The following NDUFAF6 variants were observed in gnomAD, a reference collection of about 807,000 sequenced individuals.
The protein encoded by NDUFAF6 is NADH:ubiquinone oxidoreductase complex assembly factor 6.
Under a neutral mutation model 40.8 loss-of-function variants are expected in NDUFAF6, and 45 were observed. That is an observed-to-expected ratio of 1.10 (90% CI 0.87 to 1.42). The LOEUF is 1.42. Ranked by LOEUF, NDUFAF6 falls within the 40% of genes most tolerant of loss-of-function variation. The probability of loss-of-function intolerance (pLI) is 0.00; values close to 1 mark genes in which losing one functional copy is unlikely to be tolerated. For synonymous variants in NDUFAF6, 185 were observed against 155.9 expected (o/e 1.19, Z -1.39); for missense variants, 435 against 418.5 (o/e 1.04, Z -0.34).
chr8:95,027,258 G>C (rs1326361162), intron 1 of NDUFAF6, among the ~76,000 whole-genome samples: 1 of 151,956 alleles, frequency 6.6e-6, no homozygotes, highest in East Asian at 1.9e-4. Flanking sequence ...ATTAATCCCA[G>C]CTCTATCACT....
At chr8:94,980,694 G>C (rs1054065643) in intron 1 of NDUFAF6, among the ~76,000 whole-genome samples, 15 of 73,414 alleles carry the variant, frequency 2.0e-4, no homozygotes, top group African/African-American at 8.0e-4. Context: ...CAGGTGATCA[G>C]CATGCCTTGG....
intron 2 of NDUFAF6, among the ~76,000 whole-genome samples, chr8:95,009,538 G>C (rs1304651535): frequency 6.6e-6 from 1 of 152,168 alleles, no homozygotes; most frequent in Non-Finnish European, 1.5e-5. Flanking sequence ...GAGAGAGGGT[G>C]GATGTCACTG....
chr8:94,927,199 CAGA>C (rs1819969807), intron 1 of NDUFAF6: 1 of 152,468 alleles, frequency 6.6e-6, no homozygotes, highest in East Asian at 1.9e-4. Flanking sequence ...GTTTCCAACT[CAGA>C]GAAAATGAGA....
At chr8:95,000,038 G>C (rs1314851669) in intron 2 of NDUFAF6, among the ~76,000 whole-genome samples, 1 of 126,752 alleles carries the variant, frequency 7.9e-6, no homozygotes, top group Admixed American at 8.8e-5. Flanking sequence ...AGTGAGACAG[G>C]CTGTATTTTT....
At chr8:95,117,304 T>G (rs935178297), downstream of NDUFAF6, among the ~76,000 whole-genome samples, 14 of 152,004 alleles carry the variant, frequency 9.2e-5, no homozygotes, top group Non-Finnish European at 1.6e-4. Flanking sequence ...AACTGTGAGG[T>G]CCCTGGAAAG....
chr8:94,991,059 A>G (rs1354703080), intron 2 of NDUFAF6, among the ~76,000 whole-genome samples: 1 of 152,206 alleles, frequency 6.6e-6, no homozygotes, highest in African/African-American at 2.4e-5. Context: ...AAACTTCAAA[A>G]ACATCTGTGA....
At chr8:95,019,894 T>A (rs1419241117) in intron 2 of NDUFAF6, among the ~76,000 whole-genome samples, 2 of 152,216 alleles carry the variant, frequency 1.3e-5, no homozygotes, top group African/African-American at 4.8e-5. Context: ...AATTCTATAT[T>A]TTTTAAAAAA....
At chr8:95,046,406 T>G (rs962836109) in intron 5 of NDUFAF6, among the ~76,000 whole-genome samples, 3 of 152,272 alleles carry the variant, frequency 2.0e-5, no homozygotes, top group African/African-American at 4.8e-5. Flanking sequence ...AAAACAAAAT[T>G]TTGATGGTAG....
At chr8:95,107,686 G>A (rs1561715), downstream of NDUFAF6, among the ~76,000 whole-genome samples, 126,858 of 152,204 alleles carry the variant, frequency 0.83, 53,295 homozygotes, top group East Asian at 1. Context: ...TTGTATCTGA[G>A]TAAAGCTATT....
In NDUFAF6 at chr8:94,974,304, C is replaced by T. The variant is rs548484711; in HGVS notation, c.-198-6555C>T. Among the ~76,000 whole-genome samples the T allele has an allele frequency of 3.3e-5, 5 of 151,302 alleles. No individual in the cohort carries two copies. In the South Asian group the frequency reaches 8.4e-4, roughly 25 times the overall value. On this transcript the variant is annotated intron_variant, in intron 1 of 9. Coordinates refer to the NDUFAF6 transcript ENST00000396111. ...TGGTAGGTGGTAGGGGTGGAAGACA[C>T]GGAAAAATATAATGACCAGACATGG...
chr8:95,092,583 T>C (rs1200396662), intron 2 of NDUFAF6, among the ~76,000 whole-genome samples: 3 of 126,556 alleles, frequency 2.4e-5, no homozygotes, highest in Non-Finnish European at 3.3e-5. Flanking sequence ...GAAGCCTTTT[T>C]TTTTTTTTTT....
chr8:94,965,170 A>C (rs1823910624), intron 1 of NDUFAF6, among the ~76,000 whole-genome samples: 1 of 152,212 alleles, frequency 6.6e-6, no homozygotes, highest in South Asian at 2.1e-4. Flanking sequence ...GGACAGAAAA[A>C]AGGGGAACTG....
intron 2 of NDUFAF6, among the ~76,000 whole-genome samples, chr8:95,008,403 C>T (rs1017204315): frequency 6.6e-6 from 1 of 152,182 alleles, no homozygotes; most frequent in South Asian, 2.1e-4. Flanking sequence ...AATTTTTATT[C>T]GTGTCAGTTT....
downstream of NDUFAF6, among the ~76,000 whole-genome samples, chr8:95,079,009 C>G (rs1294939805): frequency 6.6e-6 from 1 of 151,956 alleles, no homozygotes; most frequent in African/African-American, 2.4e-5. Flanking sequence ...GAGTCTTGCT[C>G]TATCCACCAG....
downstream of NDUFAF6, among the ~76,000 whole-genome samples, chr8:95,105,054 CACACACACACACAGAG>C (rs1809780535): frequency 3.3e-5 from 2 of 59,992 alleles, no homozygotes; most frequent in Admixed American, 2.6e-4. Flanking sequence ...CACACACACA[CACACACACACACAGAG>C]AGAGAGAGAG....
At chr8:95,005,900 T>C (rs960854193) in intron 2 of NDUFAF6, among the ~76,000 whole-genome samples, 2 of 152,050 alleles carry the variant, frequency 1.3e-5, no homozygotes, top group Admixed American at 6.6e-5. Context: ...CAGGAGACAA[T>C]GCAGTTCCAG....
chr8:94,919,466 C>G (rs1819353358), intron 1 of NDUFAF6, among the ~76,000 whole-genome samples: 1 of 152,186 alleles, frequency 6.6e-6, no homozygotes, highest in African/African-American at 2.4e-5. Flanking sequence ...ACTCCTAGTT[C>G]ACTTGTTTAT....
At chr8:95,109,587 TAGAGAGAG>T (rs71695882) in intron 4 of NDUFAF6, among the ~76,000 whole-genome samples, 88,116 of 142,200 alleles carry the variant, frequency 0.62, 26,340 homozygotes, top group East Asian at 0.98. Flanking sequence ...GATAGATAGA[TAGAGAGAG>T]AGAGAGAGAG....
At chr8:94,982,472 C>T (rs571849575) in intron 2 of NDUFAF6, among the ~76,000 whole-genome samples, 2 of 152,318 alleles carry the variant, frequency 1.3e-5, no homozygotes, top group South Asian at 4.1e-4. Flanking sequence ...TTTCTCAAAA[C>T]ATGTCCTCAT....
Sources: allele counts gnomAD v4.1 joint callset (sites outside exome capture counted in the v4.1 genomes callset), GRCh38; gene constraint gnomAD v4.1.1; transcripts MANE v1.5; gene names NCBI Gene and HGNC (gene_info 2026-07-23, HGNC 2026-07-21).